SPAM1: variants seen among roughly 807,000 people sequenced by gnomAD.
SPAM1 encodes sperm adhesion molecule 1.
In SPAM1, 22 loss-of-function variants were observed where a neutral mutation model predicts 29.6. That is an observed-to-expected ratio of 0.74 (90% confidence interval 0.53 to 1.06). The LOEUF (loss-of-function observed/expected upper bound fraction) is 1.06. Ranked by LOEUF, SPAM1 falls within the 50% of genes least tolerant of loss-of-function variation. The pLI, the probability that SPAM1 is intolerant of heterozygous loss-of-function variation, is 0.00. For missense variants in SPAM1, 534 were observed against 604.0 expected, an observed-to-expected ratio of 0.88 and a Z score of 1.21; for synonymous variants, 194 against 204.6, an observed-to-expected ratio of 0.95 and a Z score of 0.44.
intron 1 of SPAM1, among the ~76,000 whole-genome samples, chr7:123,929,634 G>A (rs2117016214): frequency 6.6e-6 from 1 of 152,186 alleles, no homozygotes. Context: ...TGGGTATTAA[G>A]GATACATCCA....
chr7:123,947,619 C>CACACACAG (rs1554429695), intron 1 of SPAM1: 2 of 143,480 alleles, frequency 1.4e-5, no homozygotes, highest in African/African-American at 5.1e-5. Flanking sequence ...CACACACACA[C>CACACACAG]AGACAGGTTC....
At chr7:123,933,042 T>G (rs1808133973) in intron 1 of SPAM1, among the ~76,000 whole-genome samples, 2 of 151,736 alleles carry the variant, frequency 1.3e-5, no homozygotes, top group African/African-American at 4.9e-5. Context: ...TTTAAAATAT[T>G]ATTTATTTTA....
chr7:123,947,619 C>CACACAG (rs1554429695), intron 1 of SPAM1: 1 of 143,594 alleles, frequency 7.0e-6, no homozygotes, highest in Non-Finnish European at 1.6e-5. Flanking sequence ...CACACACACA[C>CACACAG]AGACAGGTTC....
chr7:123,954,028 C>T lies in SPAM1; in HGVS notation c.458C>T (p.Thr153Ile). 3 of 1,613,598 alleles carry T rather than the reference C, an allele frequency of 1.9e-6. No individual in the cohort carries two copies. Among genetic ancestry groups the T allele is most frequent in the Non-Finnish European group, 2.5e-6 (3 of 1,179,770 alleles). ...AVIDWEEWRP[T>I]WARNWKPKDV... ...ATTGACTGGGAAGAATGGAGACCCACTTGGGCAAGAAACTGGAAACCTAAA... is the reference window on the plus strand; with the variant it reads ...ATTGACTGGGAAGAATGGAGACCCATTTGGGCAAGAAACTGGAAACCTAAA... The change falls in exon 3 of 5, where the codon ACT becomes ATT. Residue 153 changes from threonine to isoleucine, a missense_variant. By Grantham distance (89) the Thr-to-Ile change is moderately conservative. Coordinates refer to ENST00000682466, the MANE Select transcript of SPAM1 (RefSeq NM_153189.3).
At chr7:123,959,111 C>T (rs1227220571) in intron 4 of SPAM1, among the ~76,000 whole-genome samples, 1 of 152,002 alleles carries the variant, frequency 6.6e-6, no homozygotes, top group Non-Finnish European at 1.5e-5. Flanking sequence ...CAAGTTCCTA[C>T]AGCTAGTCAC....
At position 123,954,209 on chromosome 7, in the gene SPAM1, T is replaced by C; in HGVS notation, c.639T>C (p.Asn213=). The change falls in exon 3 of 5, where the codon AAT becomes AAC. Residue 213 remains asparagine (N), a synonymous_variant. Transcript: ENST00000682466. ...TIKLGKLLRP[N]HLWGYYLFPD... is the part of the protein sequence containing the mutation. ...AATTGGGAAAATTACTTCGGCCAAA[T>C]CACTTGTGGGGTTATTATCTTTTTC... 2 of 1,613,546 alleles carry C rather than the reference T, an allele frequency of 1.2e-6. No homozygotes were observed. The highest frequency in any genetic ancestry group is 1.7e-6 in the Non-Finnish European group (2 of 1,179,732).
At chr7:123,932,957 TCCTGAA>T (rs1224080419) in intron 1 of SPAM1, among the ~76,000 whole-genome samples, 1 of 152,142 alleles carries the variant, frequency 6.6e-6, no homozygotes, top group Non-Finnish European at 1.5e-5. Context: ...TTCCTCTACT[TCCTGAA>T]GTTCTGTGGC....
chr7:123,970,082 G>A, intron 5 of SPAM1: 2 of 990,102 alleles, frequency 2.0e-6, no homozygotes, highest in Non-Finnish European at 2.8e-6. Context: ...TTTACATGGA[G>A]TCTCCTGGTA....
At chr7:123,963,497 A>G (rs1189664126), downstream of SPAM1, among the ~76,000 whole-genome samples, 1 of 151,732 alleles carries the variant, frequency 6.6e-6, no homozygotes, top group Non-Finnish European at 1.5e-5. Context: ...ATTAAAAAGG[A>G]TATTTTTTAT....
chr7:123,938,098 T>C (rs1808311353), intron 1 of SPAM1, among the ~76,000 whole-genome samples: 1 of 151,982 alleles, frequency 6.6e-6, no homozygotes, highest in South Asian at 2.1e-4. Context: ...TTTTTTTTTT[T>C]TTTTCCTTAA....
At chr7:123,935,710 G>A (rs190939514) in intron 1 of SPAM1, among the ~76,000 whole-genome samples, 283 of 152,138 alleles carry the variant, frequency 1.9e-3, no homozygotes, top group African/African-American at 6.4e-3. Flanking sequence ...AAAGTTTTTG[G>A]GTATTCAAGT....
At position 123,943,773 on chromosome 7, in the gene SPAM1, G is replaced by A. The variant is rs75998715; in HGVS notation, c.-318-6099G>A. 3.6e-3 allele frequency among the ~76,000 whole-genome samples: 552 copies of A among 152,134 alleles called. 2 individuals are homozygous for A. Among genetic ancestry groups the A allele is most frequent in the Non-Finnish European group, 5.7e-3 (390 of 67,988 alleles). On this transcript the variant is annotated intron_variant, in intron 1 of 4. Transcript: ENST00000682466. ...TAGGATTACAGTCATTGTAAAGTAA[G>A]TCATTTATTTAGCCAAAGTGATAAC...
At chr7:123,961,611 A>G (rs1349559995), downstream of SPAM1, among the ~76,000 whole-genome samples, 1 of 151,954 alleles carries the variant, frequency 6.6e-6, no homozygotes, top group Non-Finnish European at 1.5e-5. Flanking sequence ...GCCATTGTGA[A>G]TAGTGCTGCA....
chr7:123,950,727 A>C (rs1388646569), intron 2 of SPAM1, among the ~76,000 whole-genome samples: 1 of 152,216 alleles, frequency 6.6e-6, no homozygotes, highest in Admixed American at 6.5e-5. Flanking sequence ...TGAAGATTTG[A>C]GTGAAGCTGT....
chr7:123,959,957 A>G lies in SPAM1; in HGVS notation c.1518A>G (p.Val506=), dbSNP rs1331700242. ...TTTTGTTTCTTATCATTTCTTCTGT[A>G]GCGAGTTTGTAATTGCGCAGGTTAG... ...VSILFLIISS[V]ASL Residue 506 remains valine (V), a synonymous_variant, in exon 5 of 5, where the codon GTA becomes GTG. Coordinates refer to ENST00000682466, the MANE Select transcript of SPAM1 (RefSeq NM_153189.3). 2 of 1,606,752 alleles carry G rather than the reference A, an allele frequency of 1.2e-6. No individual in the cohort carries two copies. Among genetic ancestry groups the G allele is most frequent in the Non-Finnish European group, 1.7e-6 (2 of 1,177,396 alleles).
intron 6 of SPAM1, chr7:123,970,365 C>A (rs1792482299): frequency 8.7e-7 from 1 of 1,149,432 alleles, no homozygotes; most frequent in Non-Finnish European, 1.2e-6. Flanking sequence ...CTTATAAGGA[C>A]ACCAGTCATG....
At chr7:123,939,756 A>G (rs1022687546) in intron 1 of SPAM1, among the ~76,000 whole-genome samples, 59 of 152,180 alleles carry the variant, frequency 3.9e-4, no homozygotes, top group African/African-American at 1.3e-3. Flanking sequence ...TCTAGCAAGA[A>G]CCTGCAAGTC....
rs191565471 is a variant in SPAM1, at chr7:123,948,164, G to A, written c.-318-1708G>A. The stretch of plus-strand genomic sequence containing the variant: ...TCTTACACAAAAGCTCCTTTCATTC[G>A]TGAAAATACTTGTAAATATTTTTGC... On this transcript the variant is annotated intron_variant, in intron 1 of 4. Coordinates refer to ENST00000682466, the MANE Select transcript of SPAM1 (RefSeq NM_153189.3). 1.1e-4 allele frequency among the ~76,000 whole-genome samples: 17 copies of A among 152,204 alleles called. No individual in the cohort carries two copies. In the Middle Eastern group the frequency reaches 0.01, roughly 91 times the overall value.
chr7:123,935,206 C>T (rs987372583), intron 1 of SPAM1, among the ~76,000 whole-genome samples: 35 of 152,016 alleles, frequency 2.3e-4, no homozygotes, highest in African/African-American at 7.7e-4. Flanking sequence ...GTCTTGTTTT[C>T]GGCAGGAAGG....
Sources: gnomAD v4.1 joint callset for allele counts (sites outside exome capture counted in the v4.1 genomes callset) on GRCh38, gnomAD v4.1.1 for gene constraint, MANE v1.5 for transcripts, NCBI Gene and HGNC (gene_info 2026-07-23, HGNC 2026-07-21) for gene names.